The following MEF2A variants were observed in gnomAD, a reference collection of about 807,000 sequenced individuals.
The protein encoded by MEF2A is myocyte enhancer factor 2A.
In MEF2A, 28 loss-of-function variants were observed where a neutral mutation model predicts 55.8. The observed-to-expected ratio is 0.50, with a 90% CI of 0.37 to 0.69. The LOEUF (loss-of-function observed/expected upper bound fraction) is 0.69. MEF2A is among the 30% of genes least tolerant of loss of function. MEF2A has a pLI of 0.00. For missense variants in MEF2A, 528 were observed against 626.2 expected, an observed-to-expected ratio of 0.84 and a Z score of 1.67; for synonymous variants, 239 against 227.1, an observed-to-expected ratio of 1.05 and a Z score of -0.47.
chr15:99,658,882 G>C (rs919748351), intron 4 of MEF2A, among the ~76,000 whole-genome samples: 7 of 152,016 alleles, frequency 4.6e-5, no homozygotes, highest in Non-Finnish European at 1.0e-4. Flanking sequence ...AAAGGGCCAA[G>C]ACCAAGTCAG....
rs1156456873 is a variant in MEF2A at position 99,703,362 on chromosome 15, T to C, written c.859T>C (p.Ser287Pro). The C allele has an allele frequency of 1.2e-6, 2 of 1,612,114 alleles. No individual in the cohort carries two copies. Among genetic ancestry groups the C allele is most frequent in the Non-Finnish European group, 1.7e-6 (2 of 1,179,012 alleles). Residue 287 changes from serine (S) to proline (P), a missense_variant and splice_region_variant, in exon 9 of 12, where the codon TCG (serine) becomes CCG (proline). Ser to Pro is a moderately conservative substitution (Grantham distance 74). This residue lies in a region of MEF2A where 450 missense variants were observed against 475.3 expected (regional missense o/e 0.95). Coordinates refer to ENST00000557942, the MANE Select transcript of MEF2A (RefSeq NM_001319206.4). ...PSSKGMMPPL[S>P]EEEELELNTQ... ...TATCCCTCTTATGTGCTGAGTACAG[T>C]CGGAGGAAGAGGAATTGGAGTTGGT...
intron 3 of MEF2A, among the ~76,000 whole-genome samples, chr15:99,643,616 G>T (rs138304552): frequency 0.06 from 8,964 of 148,984 alleles, 348 homozygotes; most frequent in East Asian, 0.17. Context: ...TTTTGAGATG[G>T]AGTCTCGCTC....
At chr15:99,708,657 G>A (rs1460370930) in intron 10 of MEF2A, among the ~76,000 whole-genome samples, 1 of 152,194 alleles carries the variant, frequency 6.6e-6, no homozygotes, top group African/African-American at 2.4e-5. Context: ...GCTGCTGTGT[G>A]GCAGGCACTG....
rs2057309147 is a variant in MEF2A, at chr15:99,700,859, C to T, written c.859-2503C>T. 5.9e-5 allele frequency among the ~76,000 whole-genome samples: 9 copies of T among 151,708 alleles called. No individual in the cohort carries two copies. In the South Asian group the frequency reaches 1.9e-3, roughly 32 times the overall value. ...AAATAACAATAGTATTGGATTATAG[C>T]CCAGGGAATAAAAAACATTGAGTCC... On this transcript the variant is annotated intron_variant, in intron 8 of 11. Coordinates refer to ENST00000557942, the MANE Select transcript of MEF2A (RefSeq NM_001319206.4).
At chr15:99,603,356 T>A (rs1973959327) in intron 2 of MEF2A, among the ~76,000 whole-genome samples, 1 of 151,500 alleles carries the variant, frequency 6.6e-6, no homozygotes, top group African/African-American at 2.4e-5. Context: ...ACAGTTGTGG[T>A]GGTCTGTGTT....
In MEF2A at chr15:99,674,627, C is replaced by T. The variant is rs1446546041; in HGVS notation, c.610+15C>T. 6.3e-7 allele frequency: 1 copy of T among 1,583,140 alleles called. No individual in the cohort carries two copies. Among genetic ancestry groups the T allele is most frequent in the Non-Finnish European group, 8.7e-7 (1 of 1,154,718 alleles). On this transcript the variant is annotated intron_variant, in intron 6 of 11. Coordinates refer to ENST00000557942, the MANE Select transcript of MEF2A (RefSeq NM_001319206.4). ...TGGCAATGCAGGTATGTAGTGATAC[C>T]TATTATGCTGGTTCTTTAATAAAGA...
chr15:99,577,123 A>T (rs1370654282), intron 1 of MEF2A, among the ~76,000 whole-genome samples: 1 of 152,208 alleles, frequency 6.6e-6, no homozygotes, highest in African/African-American at 2.4e-5. Flanking sequence ...TGATAGCTAG[A>T]TCCTTTTTAA....
chr15:99,649,098 T>G (rs1280767146), intron 4 of MEF2A, among the ~76,000 whole-genome samples: 4 of 152,196 alleles, frequency 2.6e-5, no homozygotes, highest in Non-Finnish European at 5.9e-5. Flanking sequence ...ATCAATTTTT[T>G]AAACTTTGGT....
intron 1 of MEF2A, among the ~76,000 whole-genome samples, chr15:99,590,259 C>T (rs903977569): frequency 6.6e-6 from 1 of 151,756 alleles, no homozygotes; most frequent in South Asian, 2.1e-4. Flanking sequence ...CTCCTAAAAT[C>T]TTCTTTGTCT....
chr15:99,657,224 C>T (rs147928599), intron 4 of MEF2A, among the ~76,000 whole-genome samples: 1 of 151,552 alleles, frequency 6.6e-6, no homozygotes, highest in Non-Finnish European at 1.5e-5. Flanking sequence ...TCTTGGGTAT[C>T]TAGTTAGTAG....
At position 99,638,044 on chromosome 15, in the gene MEF2A, T is replaced by G. The variant is rs1014185235; in HGVS notation, c.54+4871T>G. Among the ~76,000 whole-genome samples the G allele has an allele frequency of 2.6e-4, 40 of 152,250 alleles. 1 individual carries two copies. The highest frequency in any genetic ancestry group is 5.9e-5 in the Non-Finnish European group (4 of 68,038). On this transcript the variant is annotated intron_variant, in intron 3 of 11. Coordinates refer to ENST00000557942, the MANE Select transcript of MEF2A (RefSeq NM_001319206.4). ...TAATGATGTTGAACATCTTTTCATG[T>G]GCTTATTGGACATTTGTATATCTTC...
At chr15:99,671,238 C>T (rs1205787164) in intron 4 of MEF2A, 85 bp from the exon 5 acceptor site, 66 of 1,450,858 alleles carry the variant, frequency 4.5e-5, no homozygotes, top group Non-Finnish European at 6.1e-5. Flanking sequence ...CAGTTCATTC[C>T]GTCTGTGCTC....
At chr15:99,577,429 G>C (rs987262523) in intron 1 of MEF2A, among the ~76,000 whole-genome samples, 11 of 152,172 alleles carry the variant, frequency 7.2e-5, no homozygotes, top group African/African-American at 9.7e-5. Context: ...TCACGGTCAG[G>C]GGGGAGTATG....
chr15:99,641,950 T>C lies in MEF2A; in HGVS notation c.55-3611T>C, dbSNP rs75246126. On this transcript the variant is annotated intron_variant, in intron 3 of 11. Coordinates refer to ENST00000557942, the MANE Select transcript of MEF2A (RefSeq NM_001319206.4). ...GCAGCATTGAACTTTTTTCAACTTA[T>C]GTTCTACTCAGATGACTGGTTTTTT... Among the ~76,000 whole-genome samples, 1,334 of 152,348 alleles carry C rather than the reference T, an allele frequency of 8.8e-3. 6 individuals carry two copies. Among genetic ancestry groups the C allele is most frequent in the Non-Finnish European group, 0.013 (873 of 68,028 alleles).
rs184463551 is a variant in MEF2A at position 99,664,097 on chromosome 15, T to C, written c.259-7226T>C. Among the ~76,000 whole-genome samples the C allele has an allele frequency of 3.9e-5, 6 of 152,338 alleles. No homozygotes were observed. In the East Asian group the frequency reaches 9.6e-4, roughly 24 times the overall value. On this transcript the variant is annotated intron_variant, in intron 4 of 11. Coordinates refer to ENST00000557942, the MANE Select transcript of MEF2A (RefSeq NM_001319206.4). ...AACAACAGTAATTAATCATCACTTC[T>C]AGGTTTGAGACTCTTTCTGGATTCT...
chr15:99,705,851 G>A (rs1245130224), intron 9 of MEF2A, among the ~76,000 whole-genome samples: 3 of 152,182 alleles, frequency 2.0e-5, no homozygotes, highest in African/African-American at 7.2e-5. Flanking sequence ...GAGTTGTGCT[G>A]TGGCTTTCTT....
At chr15:99,705,107 A>G (rs1026814166) in intron 9 of MEF2A, among the ~76,000 whole-genome samples, 3 of 152,220 alleles carry the variant, frequency 2.0e-5, no homozygotes, top group Non-Finnish European at 2.9e-5. Flanking sequence ...CTTGAGCTCT[A>G]AAGTATAATT....
At chr15:99,694,418 T>C (rs1169139823) in intron 8 of MEF2A, among the ~76,000 whole-genome samples, 2 of 152,230 alleles carry the variant, frequency 1.3e-5, no homozygotes, top group Non-Finnish European at 2.9e-5. Flanking sequence ...ATTTCCCTTA[T>C]ACTAATAAGT....
At chr15:99,614,059 T>C (rs141694434) in intron 2 of MEF2A, among the ~76,000 whole-genome samples, 1 of 152,312 alleles carries the variant, frequency 6.6e-6, no homozygotes, top group Non-Finnish European at 1.5e-5. Context: ...TGCCTCCTAG[T>C]GTGACTTTGG....
Sources: allele counts gnomAD v4.1 joint callset (sites outside exome capture counted in the v4.1 genomes callset), GRCh38; gene constraint gnomAD v4.1.1; regional missense constraint gnomAD v4.1.1; transcripts MANE v1.5; gene names NCBI Gene and HGNC (gene_info 2026-07-23, HGNC 2026-07-21).